The following VPS16 variants were observed in gnomAD, a reference collection of about 807,000 sequenced individuals.
The protein encoded by VPS16 is vacuolar protein sorting-associated protein 16 homolog.
In VPS16, 82 loss-of-function variants were observed where a neutral mutation model predicts 116.0. That is an observed-to-expected ratio of 0.71 (90% CI 0.59 to 0.85). The LOEUF (loss-of-function observed/expected upper bound fraction) is 0.85. VPS16 is among the 40% of genes least tolerant of loss of function. VPS16 has a pLI of 0.00. For missense variants in VPS16, 928 were observed against 1,090.6 expected (o/e 0.85, Z 2.10); for synonymous variants, 406 against 420.7 (o/e 0.96, Z 0.43).
rs750159099 is a variant in VPS16 at position 2,862,797 on chromosome 20, C to T, written c.1204-10C>T. The T allele has an allele frequency of 3.7e-6, 6 of 1,613,842 alleles. No individual in the cohort carries two copies. Among genetic ancestry groups the T allele is most frequent in the Non-Finnish European group, 8.5e-7 (1 of 1,180,000 alleles). On this transcript the variant is annotated splice_polypyrimidine_tract_variant and intron_variant, in intron 12 of 23. Coordinates refer to ENST00000380445, the MANE Select transcript of VPS16 (RefSeq NM_022575.4). ...GAAGCTCTCTCCTATCGCCCTCTGG[C>T]TCTTCTCAGGCCGCCTCCTTCGGAA...
rs1219776298 is a variant in VPS16 at position 2,841,108 on chromosome 20, G to A, written c.53+281G>A. 32 of 499,638 alleles carry A rather than the reference G, an allele frequency of 6.4e-5. No homozygotes were observed. The South Asian group carries it at 6.8e-4, about 11-fold the overall frequency. 31.0% of individuals were successfully genotyped at this position (499,638 alleles called of 1,614,324 possible). A position where few individuals can be genotyped will look rare whatever the true frequency, so the allele number is the denominator to read the frequency against. ...CAGATCTCGCTGAGGGAGGCAGCTC[G>A]CGGGTGACAGCGAGTGCCCAGTCTC... On this transcript the variant is annotated intron_variant, in intron 1 of 23. Transcript: ENST00000380445.
chr20:2,861,779 C>T, intron 9 of VPS16, 26 bp from the exon 10 acceptor site: 3 of 1,612,980 alleles, frequency 1.9e-6, no homozygotes, highest in South Asian at 2.2e-5. Flanking sequence ...TCTGTAGGTG[C>T]TCTTAGGAGC....
chr20:2,855,336 T>C (rs1434733734), intron 1 of VPS16, among the ~76,000 whole-genome samples: 4 of 152,054 alleles, frequency 2.6e-5, no homozygotes, highest in African/African-American at 9.7e-5. Flanking sequence ...TTAAAACGTT[T>C]AGTAAACCAT....
chr20:2,845,597 A>T (rs1225739561), intron 1 of VPS16, among the ~76,000 whole-genome samples: 3 of 151,946 alleles, frequency 2.0e-5, no homozygotes, highest in Non-Finnish European at 4.4e-5. Context: ...AAAAAAAAAA[A>T]GAACATTTTA....
intron 1 of VPS16, among the ~76,000 whole-genome samples, chr20:2,842,680 A>AGATACATCTAGATGTATCTATC (rs2088996915): frequency 7.1e-6 from 1 of 141,578 alleles, no homozygotes; most frequent in African/African-American, 2.8e-5. Context: ...ATCTATATAT[A>AGATACATCTAGATGTATCTATC]TATAGATACA....
rs2089279692 is a variant in VPS16 at position 2,863,942 on chromosome 20, C to T, written c.1477-7C>T. The T allele has an allele frequency of 6.2e-7, 1 of 1,613,046 alleles. No homozygotes were observed. The highest frequency in any genetic ancestry group is 8.5e-7 in the Non-Finnish European group (1 of 1,179,208). On this transcript the variant is annotated splice_polypyrimidine_tract_variant and splice_region_variant and intron_variant, in intron 15 of 23. Coordinates refer to ENST00000380445, the MANE Select transcript of VPS16 (RefSeq NM_022575.4). This position sits in a 1 kb window ranked among gnomAD's most constrained non-coding sequence, Gnocchi z 4.4. ...CAGATGTTTGTGACACCCCGCATCC[C>T]TTGCAGGTGCAACAGAAGGATGTCT...
rs531526221 is a variant in VPS16 at position 2,861,687 on chromosome 20, T to C, written c.882T>C (p.Asp294=). 1.2e-6 allele frequency: 2 copies of C among 1,613,122 alleles called. No individual in the cohort carries two copies. Among genetic ancestry groups the C allele is most frequent in the Admixed American group, 3.3e-5 (2 of 59,956 alleles). ...AWERRLMVVG[D]APESIQFVLD... ...AAAGGCGGCTGATGGTGGTGGGCGA[T>C]GCACCCGAGAGCATCCAGTATCCTT... The change falls in exon 9 of 24, where the codon GAT becomes GAC. Residue 294 remains aspartate, a synonymous_variant. Coordinates refer to ENST00000380445, the MANE Select transcript of VPS16 (RefSeq NM_022575.4).
chr20:2,865,866 GAGGTGTAT>G lies in VPS16; in HGVS notation c.2272-342_2272-335del. ...GCTGTTTTCTGTGGTGGGTAGTTCA[GAGGTGTAT>G]AGGGCAGGTTTGAGAATGTCAATCA... On this transcript the variant is annotated intron_variant, in intron 22 of 23. Transcript: ENST00000380445. This position sits in a 1 kb window ranked among gnomAD's most constrained non-coding sequence, Gnocchi z 5.2. 1 of 462,672 alleles carries G rather than the reference GAGGTGTAT, an allele frequency of 2.2e-6. No individual in the cohort carries two copies. The highest frequency in any genetic ancestry group is 2.3e-5 in the South Asian group (1 of 42,990). The allele number at this position is 462,672 out of a possible 1,614,324, so 28.7% of individuals were successfully genotyped here. A position where few individuals can be genotyped will look rare whatever the true frequency, so the allele number is the denominator to read the frequency against.
chr20:2,856,319 A>G (rs2089171547), intron 1 of VPS16, among the ~76,000 whole-genome samples: 2 of 152,216 alleles, frequency 1.3e-5, no homozygotes, highest in Non-Finnish European at 2.9e-5. Context: ...CAAAACAATT[A>G]TAGTAGTAAC....
Position 2,857,415 on chromosome 20 carries a change from A to T in VPS16, c.54-2304A>T, listed in dbSNP as rs543010545. 9.9e-4 allele frequency among the ~76,000 whole-genome samples: 151 copies of T among 152,240 alleles called. 1 individual carries two copies. Among genetic ancestry groups the T allele is most frequent in the Admixed American group, 2.9e-3 (44 of 15,288 alleles). ...CATGTTTTCTATATCCTTGGAAAAT[A>T]TTTAATTTTGTAAAATTTTCATTAG... On this transcript the variant is annotated intron_variant, in intron 1 of 23. Coordinates refer to ENST00000380445, the MANE Select transcript of VPS16 (RefSeq NM_022575.4).
Position 2,864,005 on chromosome 20 carries a change from G to A in VPS16, c.1533G>A (p.Leu511=). ...EDVARAINQK[L]GDTPGVSYSD... is the part of the protein sequence containing the mutation. ...TGGCTCGAGCCATTAACCAGAAGCT[G>A]GGGGACACGCCTGGTGTCTCTTACT... The change falls in exon 16 of 24, where the codon CTG becomes CTA. Residue 511 remains leucine, a synonymous_variant. Coordinates refer to ENST00000380445, the MANE Select transcript of VPS16 (RefSeq NM_022575.4). This position sits in a 1 kb window ranked among gnomAD's most constrained non-coding sequence, Gnocchi z 5.2. The A allele has an allele frequency of 6.2e-7, 1 of 1,614,124 alleles. No individual in the cohort carries two copies. Among genetic ancestry groups the A allele is most frequent in the Non-Finnish European group, 8.5e-7 (1 of 1,180,006 alleles).
Position 2,861,016 on chromosome 20 carries a change from C to T in VPS16, c.677C>T (p.Ala226Val). 1 of 1,614,214 alleles carries T rather than the reference C, an allele frequency of 6.2e-7. No individual in the cohort carries two copies. Among genetic ancestry groups the T allele is most frequent in the Non-Finnish European group, 8.5e-7 (1 of 1,180,040 alleles). ...GGAGTAAGCAGCTTCCTACAGATGG[C>T]TGTCTCCTTCACCTACCGACACCTG... is the stretch of plus-strand genomic sequence containing the variant. ...APGVSSFLQM[A>V]VSFTYRHLAL... Residue 226 changes from alanine to valine, a missense_variant, in exon 7 of 24, where the codon GCT becomes GTT. By Grantham distance (64) the Ala-to-Val change is moderately conservative (BLOSUM62 0). Coordinates refer to ENST00000380445, the MANE Select transcript of VPS16 (RefSeq NM_022575.4).
intron 1 of VPS16, among the ~76,000 whole-genome samples, chr20:2,842,667 TGTATC>T (rs1234668017): frequency 2.7e-5 from 4 of 146,780 alleles, no homozygotes; most frequent in African/African-American, 1.0e-4. Context: ...GATATATAGA[TGTATC>T]TATATATATA....
rs2146665001 is a variant in VPS16, at chr20:2,860,253, C to T, written c.255C>T (p.Pro85=). The T allele has an allele frequency of 6.2e-6, 10 of 1,614,030 alleles. No homozygotes were observed. The East Asian group carries it at 6.7e-5, about 11-fold the overall frequency. ...PLASLLWKSG[P]VVSLGWSAEE... ...CTCCCCTGCAGTGGAAGAGTGGACC[C>T]GTGGTGTCCCTGGGCTGGTCAGCTG... is the stretch of plus-strand genomic sequence containing the variant. Residue 85 remains proline (P), a synonymous_variant, in exon 4 of 24, where the codon CCC becomes CCT. Coordinates refer to ENST00000380445, the MANE Select transcript of VPS16 (RefSeq NM_022575.4). The surrounding 1 kb of genome is among the most constrained non-coding windows in gnomAD (Gnocchi z 6.1).
In VPS16 at chr20:2,865,312, C is replaced by G. The variant is rs945467408; in HGVS notation, c.2169C>G (p.Asp723Glu). The G allele has an allele frequency of 6.2e-7, 1 of 1,614,182 alleles. No individual in the cohort carries two copies. Among genetic ancestry groups the G allele is most frequent in the Non-Finnish European group, 8.5e-7 (1 of 1,180,030 alleles). Residue 723 changes from aspartate to glutamate, a missense_variant, in exon 21 of 24, where the codon GAC (aspartate) becomes GAG (glutamate). By Grantham distance (45) the Asp-to-Glu change is conservative (BLOSUM62 2). Coordinates refer to ENST00000380445, the MANE Select transcript of VPS16 (RefSeq NM_022575.4). This position sits in a 1 kb window ranked among gnomAD's most constrained non-coding sequence, Gnocchi z 5.2. The part of the protein sequence containing the change: ...EQLARDFRIP[D>E]KRLWWLKLTA... The stretch of plus-strand genomic sequence containing the variant: ...TGGCACGTGACTTCCGCATCCCTGA[C>G]AAGAGGTAGGTGAGGGCCCAGGCTG...
chr20:2,847,528 G>C (rs1178452515), intron 1 of VPS16, among the ~76,000 whole-genome samples: 3 of 148,722 alleles, frequency 2.0e-5, no homozygotes, highest in Admixed American at 6.7e-5. Context: ...CGCCAGGCTG[G>C]AGTGCAATGG....
chr20:2,845,972 C>T (rs148833555), intron 1 of VPS16, among the ~76,000 whole-genome samples: 5 of 152,214 alleles, frequency 3.3e-5, no homozygotes, highest in Non-Finnish European at 2.9e-5. Flanking sequence ...AATAATATGC[C>T]ATTGTATGCA....
chr20:2,860,662 A>G lies in VPS16; in HGVS notation c.514+69A>G. ...TGTGCCTCTAGCCTGTGAGACCCAT[A>G]AAAACAGAAGCTGTGGCTAGAGACC... On this transcript the variant is annotated intron_variant, in intron 5 of 23. Coordinates refer to ENST00000380445, the MANE Select transcript of VPS16 (RefSeq NM_022575.4). This position sits in a 1 kb window ranked among gnomAD's most constrained non-coding sequence, Gnocchi z 6.1. 1 of 1,610,114 alleles carries G rather than the reference A, an allele frequency of 6.2e-7. No homozygotes were observed. Among genetic ancestry groups the G allele is most frequent in the South Asian group, 1.1e-5 (1 of 91,042 alleles).
Position 2,863,273 on chromosome 20 carries a change from C to G in VPS16, c.1368-17C>G. On this transcript the variant is annotated splice_polypyrimidine_tract_variant and intron_variant, in intron 14 of 23. Transcript: ENST00000380445. The surrounding 1 kb of genome is among the most constrained non-coding windows in gnomAD (Gnocchi z 4.4). The stretch of plus-strand genomic sequence containing the variant: ...TCCACCTCACTCCTTGTATCCTTTA[C>G]CCACCGGGTCTACCAGGCTCGTGTT... The G allele has an allele frequency of 6.2e-7, 1 of 1,614,014 alleles. No individual in the cohort carries two copies. Among genetic ancestry groups the G allele is most frequent in the Non-Finnish European group, 8.5e-7 (1 of 1,179,916 alleles).
Sources: gnomAD v4.1 joint callset for allele counts (sites outside exome capture counted in the v4.1 genomes callset) on GRCh38, gnomAD v4.1.1 for gene constraint, Gnocchi (gnomAD v3.1) non-coding constraint, MANE v1.5 for transcripts, NCBI Gene and HGNC (gene_info 2026-07-23, HGNC 2026-07-21) for gene names.